The following MROH2A variants were observed in gnomAD, a reference collection of about 807,000 sequenced individuals.
MROH2A encodes the protein maestro heat-like repeat-containing protein family member 2A.
Under a neutral mutation model 200.4 loss-of-function variants are expected in MROH2A, and 174 were observed. The ratio of observed to expected loss-of-function variants is 0.87; its 90% CI spans 0.77 to 0.98. MROH2A has a LOEUF of 0.98. Among genes scored for constraint, MROH2A ranks in the 50% least tolerant of loss-of-function variants. The pLI is 0.00. For missense variants in MROH2A, 2,045 were observed against 2,139.6 expected (o/e 0.96, Z 0.87); for synonymous variants, 829 against 840.4 (o/e 0.99, Z 0.23).
At position 233,807,515 on chromosome 2, in the gene MROH2A, G is replaced by A. The variant is rs1271559537; in HGVS notation, c.2145G>A (p.Thr715=). Reference sequence around the variant, plus strand: ...TGCTGTTGGAGCTGCTGTACAAGACGGACTACAGCAATGACTTTGACAGCG... The same window carrying A: ...TGCTGTTGGAGCTGCTGTACAAGACAGACTACAGCAATGACTTTGACAGCG... ...EVLLLELLYK[T]DYSNDFDSEG... is the part of the protein sequence containing the mutation. The change falls in exon 20 of 42, where the codon ACG becomes ACA. Residue 715 remains threonine (T), a synonymous_variant. Coordinates refer to ENST00000389758, the MANE Select transcript of MROH2A (RefSeq NM_001394639.1). This position sits in a 1 kb window ranked among gnomAD's most constrained non-coding sequence, Gnocchi z 4.3. 5 of 1,550,442 alleles carry A rather than the reference G, an allele frequency of 3.2e-6. No homozygotes were observed. The highest frequency in any genetic ancestry group is 1.4e-5 in the African/African-American group (1 of 73,056).
intron 27 of MROH2A, among the ~76,000 whole-genome samples, chr2:233,817,722 A>G (rs979408950): frequency 1.3e-5 from 2 of 152,206 alleles, no homozygotes; most frequent in African/African-American, 4.8e-5. Context: ...TACAGGAACA[A>G]CTGGGCCCAA....
Position 233,807,948 on chromosome 2 carries a change from A to G in MROH2A, c.2295+93A>G. The G allele has an allele frequency of 6.7e-7, 1 of 1,487,012 alleles. No individual in the cohort carries two copies. Among genetic ancestry groups the G allele is most frequent in the Non-Finnish European group, 9.1e-7 (1 of 1,094,850 alleles). The allele number at this position is 1,487,012 out of a possible 1,614,324, so 92.1% of individuals were successfully genotyped here. A position where few individuals can be genotyped will look rare whatever the true frequency, so the allele number is the denominator to read the frequency against. Reference sequence around the variant, plus strand: ...AAGTCCTTTCTAGATCTCAGTAGGAAACTTGCCTCACACGGAGTCTCCTGT... The same window carrying G: ...AAGTCCTTTCTAGATCTCAGTAGGAGACTTGCCTCACACGGAGTCTCCTGT... On this transcript the variant is annotated intron_variant, in intron 21 of 41. Coordinates refer to ENST00000389758, the MANE Select transcript of MROH2A (RefSeq NM_001394639.1). This position sits in a 1 kb window ranked among gnomAD's most constrained non-coding sequence, Gnocchi z 4.3.
rs900843182 is a variant in MROH2A, at chr2:233,792,895, G to C, written c.670+1G>C. On this transcript the variant is annotated splice_donor_variant, in intron 6 of 41. Coordinates refer to ENST00000389758, the MANE Select transcript of MROH2A (RefSeq NM_001394639.1). LOFTEE classifies it high-confidence loss of function. ...AAGATACGCCAGGCGATCTGCAGTG[G>C]TGAGTGTCCCACTTGAGCCTGCAGG... 6.4e-7 allele frequency: 1 copy of C among 1,550,470 alleles called. No homozygotes were observed. The highest frequency in any genetic ancestry group is 8.7e-7 in the Non-Finnish European group (1 of 1,147,004).
At chr2:233,819,715 G>A (rs1703802161) in intron 30 of MROH2A, among the ~76,000 whole-genome samples, 187 bp from the exon 31 acceptor site, 6 of 152,238 alleles carry the variant, frequency 3.9e-5, no homozygotes, top group Admixed American at 3.9e-4. Context: ...ACCACCTCCT[G>A]CACTGAAAGC....
chr2:233,831,601 G>T, intron 39 of MROH2A, 61 bp downstream of exon 39: 1 of 1,515,156 alleles, frequency 6.6e-7, no homozygotes, highest in African/African-American at 1.4e-5. Context: ...CTTGGAGCTG[G>T]GGGGTCGAGA....
chr2:233,780,444 G>A (rs4663335), intron 3 of MROH2A, among the ~76,000 whole-genome samples: 22,896 of 152,194 alleles, frequency 0.15, 1,824 homozygotes, highest in East Asian at 0.21. Flanking sequence ...AGGCTGATCT[G>A]GAGAGCCTAC....
Position 233,822,404 on chromosome 2 carries a change from G to A in MROH2A, c.3714G>A (p.Glu1238=). 6.4e-7 allele frequency: 1 copy of A among 1,551,166 alleles called. No homozygotes were observed. The highest frequency in any genetic ancestry group is 8.7e-7 in the Non-Finnish European group (1 of 1,147,102). The change falls in exon 33 of 42, where the codon GAG becomes GAA. Residue 1238 remains glutamate (E), a synonymous_variant. Coordinates refer to ENST00000389758, the MANE Select transcript of MROH2A (RefSeq NM_001394639.1). ...TIHLLIQKLD[E]NDKLPDFLPD... is the part of the protein sequence containing the mutation. The stretch of plus-strand genomic sequence containing the variant: ...ACCTTCTCATTCAGAAGCTGGATGA[G>A]AATGACAAGCTCCCGGACTTCCTCC...
Position 233,807,797 on chromosome 2 carries a change from A to G in MROH2A, c.2237A>G (p.His746Arg), listed in dbSNP as rs1223937611. 6.4e-7 allele frequency: 1 copy of G among 1,550,872 alleles called. No homozygotes were observed. The change falls in exon 21 of 42, where the codon CAT becomes CGT. Residue 746 changes from histidine (H) to arginine (R), a missense_variant. His to Arg is a conservative substitution (Grantham distance 29, BLOSUM62 0). Transcript: ENST00000389758. This position sits in a 1 kb window ranked among gnomAD's most constrained non-coding sequence, Gnocchi z 4.3. ...GTAAAAACGGTGCTGAATGTGCTTC[A>G]TGACTTCGAGGAGAGGATCCAGGAG... is the stretch of plus-strand genomic sequence containing the variant. ...GQVKTVLNVL[H>R]DFEERIQESE...
intron 39 of MROH2A, 134 bp from the exon 40 acceptor site, chr2:233,832,043 C>T (rs902240200): frequency 1.5e-6 from 1 of 681,482 alleles, no homozygotes; most frequent in Non-Finnish European, 2.5e-6. Flanking sequence ...GCCAGCTACT[C>T]ACCTGCTGTG....
At chr2:233,788,194 A>T (rs1487688238) in intron 3 of MROH2A, among the ~76,000 whole-genome samples, 1 of 125,942 alleles carries the variant, frequency 7.9e-6, no homozygotes, top group African/African-American at 3.0e-5. Context: ...ATACACACAC[A>T]TATACATATA....
chr2:233,792,524 A>G (rs892572760), intron 5 of MROH2A, among the ~76,000 whole-genome samples: 4 of 152,082 alleles, frequency 2.6e-5, no homozygotes, highest in African/African-American at 9.7e-5. Flanking sequence ...CGTGTTAGCC[A>G]GGATGACCTC....
intron 38 of MROH2A, among the ~76,000 whole-genome samples, chr2:233,830,127 A>G (rs1355619501): frequency 2.0e-5 from 3 of 152,222 alleles, no homozygotes; most frequent in African/African-American, 7.2e-5. Flanking sequence ...AAATACCCCA[A>G]AGTGGTCTTG....
chr2:233,817,833 G>A (rs1349067941), intron 27 of MROH2A, among the ~76,000 whole-genome samples, 169 bp from the exon 28 acceptor site: 2 of 152,218 alleles, frequency 1.3e-5, no homozygotes, highest in African/African-American at 4.8e-5. Flanking sequence ...CTGTGGGCAG[G>A]GGAGGCTGAT....
chr2:233,815,990 T>C (rs1440659055), intron 26 of MROH2A, among the ~76,000 whole-genome samples: 1 of 152,230 alleles, frequency 6.6e-6, no homozygotes, highest in East Asian at 1.9e-4. Context: ...ATTTGGGAGT[T>C]TCCGAGAATC....
intron 8 of MROH2A, 79 bp from the exon 9 acceptor site, chr2:233,795,574 G>T: frequency 6.5e-7 from 1 of 1,546,134 alleles, no homozygotes; most frequent in East Asian, 2.4e-5. Context: ...GGGTCAGTGG[G>T]CCCCTGAGTA....
chr2:233,800,307 A>T lies in MROH2A; in HGVS notation c.1552A>T (p.Met518Leu), dbSNP rs1702380212. 3 of 1,546,030 alleles carry T rather than the reference A, an allele frequency of 1.9e-6. No homozygotes were observed. Among genetic ancestry groups the T allele is most frequent in the Non-Finnish European group, 2.6e-6 (3 of 1,144,420 alleles). The change falls in exon 14 of 42, where the codon ATG becomes TTG. Residue 518 changes from methionine to leucine, a missense_variant. Met to Leu is a conservative substitution (Grantham distance 15). Coordinates refer to ENST00000389758, the MANE Select transcript of MROH2A (RefSeq NM_001394639.1). ...GATCATTACCTCTTCTGTCAGTGGG[A>T]TGACCACCGTGAGTGGGCCCTGCCC... ...VKIITSSVSGMTTEFWVRLLC... is the reference protein window; with the variant it reads ...VKIITSSVSGLTTEFWVRLLC...
chr2:233,818,714 G>A lies in MROH2A; in HGVS notation c.3148G>A (p.Asp1050Asn). The stretch of plus-strand genomic sequence containing the variant: ...GAAGGAGCTTGAGAAATGTAAGGGG[G>A]ACCTCCAGAGCACAGATGTGGAGAA... ...KQKELEKCKG[D>N]LQSTDVEKIF... Residue 1050 changes from aspartate (D) to asparagine (N), a missense_variant, in exon 29 of 42, where the codon GAC (aspartate) becomes AAC (asparagine). Asp to Asn is a conservative substitution (Grantham distance 23). This residue lies in a region of MROH2A where 1,201 missense variants were observed against 1,311.3 expected (regional missense o/e 0.92). Transcript: ENST00000389758. 6.5e-7 allele frequency: 1 copy of A among 1,550,382 alleles called. No individual in the cohort carries two copies. The highest frequency in any genetic ancestry group is 8.7e-7 in the Non-Finnish European group (1 of 1,146,862).
chr2:233,815,411 G>A (rs994110921), intron 26 of MROH2A, among the ~76,000 whole-genome samples: 11 of 152,042 alleles, frequency 7.2e-5, no homozygotes, highest in East Asian at 1.9e-4. Context: ...TGGTTTTGAC[G>A]AAGTCGAATT....
In MROH2A at chr2:233,829,644, G is replaced by T. The variant is rs911518123; in HGVS notation, c.4471G>T (p.Ala1491Ser). ...GGAGAGCGAGCTGCTGCGTCTGAAA[G>T]CCTTCATCCTCTTTGGAAAGCTGGC... ...DNESELLRLK[A>S]FILFGKLARV... The change falls in exon 38 of 42, where the codon GCC becomes TCC. Residue 1491 changes from alanine (A) to serine (S), a missense_variant. Transcript: ENST00000389758. 1.4e-6 allele frequency: 2 copies of T among 1,461,158 alleles called. No individual in the cohort carries two copies. The highest frequency in any genetic ancestry group is 5.5e-5 in the East Asian group (2 of 36,408). 90.5% of individuals were successfully genotyped at this position (1,461,158 alleles called of 1,614,324 possible). A position where few individuals can be genotyped will look rare whatever the true frequency, so the allele number is the denominator to read the frequency against.
Sources: allele counts gnomAD v4.1 joint callset (sites outside exome capture counted in the v4.1 genomes callset), GRCh38; gene constraint gnomAD v4.1.1; regional missense constraint gnomAD v4.1.1; non-coding constraint Gnocchi (gnomAD v3.1); transcripts MANE v1.5; gene names NCBI Gene and HGNC (gene_info 2026-07-23, HGNC 2026-07-21).